CAMK2G: variants seen among roughly 807,000 people sequenced by gnomAD.
The protein encoded by CAMK2G is calcium/calmodulin dependent protein kinase II gamma.
CAMK2G carries 23 observed loss-of-function variants against 88.7 expected under a neutral mutation model. That is an observed-to-expected ratio of 0.26 (90% CI 0.19 to 0.37). CAMK2G has a LOEUF of 0.37. Ranked by LOEUF, CAMK2G falls within the 10% of genes least tolerant of loss-of-function variation. The pLI, the probability that CAMK2G is intolerant of heterozygous loss-of-function variation, is 1.00. For synonymous variants in CAMK2G, 263 were observed against 294.8 expected (o/e 0.89, Z 1.11); for missense variants, 476 against 780.8 (o/e 0.61, Z 4.65).
rs770318588 is a variant in CAMK2G at position 73,839,565 on chromosome 10, G to A, written c.983C>T (p.Ala328Val). ...RQSSAPASPA[A>V]SAAGLAGQAA... ...TTGCCCGGCCAGGCCGGCGGCGCTC[G>A]CGGCAGGCGAGGCGGGGGCGGAGCT... The change falls in exon 13 of 23, where the codon GCG becomes GTG. Residue 328 changes from alanine (A) to valine (V), a missense_variant. Around this residue, in one of 3 missense-constraint regions of CAMK2G, gnomAD observed 278 missense variants for 366.5 expected, o/e 0.76. Transcript: ENST00000423381. The surrounding 1 kb of genome is among the most constrained non-coding windows in gnomAD (Gnocchi z 4.2). 12 of 1,234,806 alleles carry A rather than the reference G, an allele frequency of 9.7e-6. No homozygotes were observed. Among genetic ancestry groups the A allele is most frequent in the East Asian group, 9.5e-5 (3 of 31,720 alleles). 76.5% of individuals were successfully genotyped at this position (1,234,806 alleles called of 1,614,324 possible).
intron 2 of CAMK2G, among the ~76,000 whole-genome samples, chr10:73,869,672 A>T (rs547428302): frequency 6.6e-6 from 1 of 152,288 alleles, no homozygotes; most frequent in Non-Finnish European, 1.5e-5. Context: ...ATAGAAACAC[A>T]TAAGGACCCT....
intron 3 of CAMK2G, among the ~76,000 whole-genome samples, chr10:73,857,828 G>A (rs1413927213): frequency 6.6e-6 from 1 of 152,190 alleles, no homozygotes; most frequent in African/African-American, 2.4e-5. Flanking sequence ...GTTCGGCAGT[G>A]TGCCTTACAC....
intron 2 of CAMK2G, among the ~76,000 whole-genome samples, chr10:73,867,917 G>GA (rs2095653647): frequency 6.6e-6 from 1 of 151,780 alleles, no homozygotes; most frequent in African/African-American, 2.4e-5. Context: ...AACCAAAAAA[G>GA]AAAAAAAAGA....
At chr10:73,860,532 G>A (rs1290474308) in intron 3 of CAMK2G, among the ~76,000 whole-genome samples, 1 of 152,190 alleles carries the variant, frequency 6.6e-6, no homozygotes, top group East Asian at 1.9e-4. Context: ...AACCTCACAC[G>A]CTGAGGACCC....
rs3861039 is a variant in CAMK2G, at chr10:73,845,747, C to T, written c.819+1478G>A. On this transcript the variant is annotated intron_variant, in intron 10 of 22. Transcript: ENST00000423381. ...GAGAGAATTAAATCCTTTAGGTTCT[C>T]TCAAATATCTCTTGAATTTCAACAC... Among the ~76,000 whole-genome samples the T allele has an allele frequency of 4.9e-3, 748 of 152,226 alleles. 8 individuals carry two copies. The highest frequency in any genetic ancestry group is 0.017 in the African/African-American group (724 of 41,522).
intron 14 of CAMK2G, 90 bp from the exon 15 acceptor site, chr10:73,828,211 G>A: frequency 1.9e-6 from 2 of 1,073,630 alleles, no homozygotes; most frequent in Non-Finnish European, 2.9e-6. Flanking sequence ...GCACCAGTGT[G>A]GGCTCTGCAT....
chr10:73,832,222 C>A (rs1327045068), intron 14 of CAMK2G, among the ~76,000 whole-genome samples: 2 of 152,092 alleles, frequency 1.3e-5, no homozygotes, highest in Non-Finnish European at 2.9e-5. Context: ...TTCTTCCAGT[C>A]CCTTTTTTAT....
At chr10:73,824,628 G>A (rs2090300294) in intron 16 of CAMK2G, among the ~76,000 whole-genome samples, 1 of 152,232 alleles carries the variant, frequency 6.6e-6, no homozygotes, top group South Asian at 2.1e-4. Flanking sequence ...CACGTCATGT[G>A]GTATGAGGGT....
chr10:73,831,072 C>T lies in CAMK2G; in HGVS notation c.1054-2951G>A, dbSNP rs568822081. On this transcript the variant is annotated intron_variant, in intron 14 of 22. Coordinates refer to ENST00000423381, the MANE Select transcript of CAMK2G (RefSeq NM_001367534.1). ...CCTGGAAAGGTCGAACTCTGCACATCTTGCTTTGTCCTCTCCTTTTCGTTT... is the reference window on the plus strand; with the variant it reads ...CCTGGAAAGGTCGAACTCTGCACATTTTGCTTTGTCCTCTCCTTTTCGTTT... 4.6e-5 allele frequency among the ~76,000 whole-genome samples: 7 copies of T among 152,332 alleles called. 1 individual carries two copies. The South Asian group carries it at 1.5e-3, about 32-fold the overall frequency.
At chr10:73,820,305 C>A (rs2087481426) in intron 18 of CAMK2G, among the ~76,000 whole-genome samples, 1 of 151,778 alleles carries the variant, frequency 6.6e-6, no homozygotes, top group South Asian at 2.1e-4. Flanking sequence ...TCTAGCCAGG[C>A]CCAAGCTTAG....
rs539582024 is a variant in CAMK2G, at chr10:73,865,246, C to G, written c.161-4357G>C. On this transcript the variant is annotated intron_variant, in intron 2 of 22. Coordinates refer to ENST00000423381, the MANE Select transcript of CAMK2G (RefSeq NM_001367534.1). ...TTGCAGTCCTGGAGGTGGAGTGTCC[C>G]TCCCTGTTTTGGCGGGGCCCACCTG... 2.6e-5 allele frequency among the ~76,000 whole-genome samples: 4 copies of G among 152,300 alleles called. No individual in the cohort carries two copies. In the South Asian group the frequency reaches 8.3e-4, roughly 32 times the overall value.
At chr10:73,853,129 T>C in intron 4 of CAMK2G, 63 bp downstream of exon 4, 1 of 1,497,780 alleles carries the variant, frequency 6.7e-7, no homozygotes, top group Non-Finnish European at 9.3e-7. Flanking sequence ...GGCCTCTTCC[T>C]GAGCCTTCAT....
chr10:73,839,573 C>A lies in CAMK2G; in HGVS notation c.975G>T (p.Ser325=). Residue 325 remains serine, a synonymous_variant, in exon 13 of 23, where the codon TCG becomes TCT. Coordinates refer to ENST00000423381, the MANE Select transcript of CAMK2G (RefSeq NM_001367534.1). The surrounding 1 kb of genome is among the most constrained non-coding windows in gnomAD (Gnocchi z 4.2). ...CCAGGCCGGCGGCGCTCGCGGCAGG[C>A]GAGGCGGGGGCGGAGCTCTGCCTGC... ...SVGRQSSAPA[S]PAASAAGLAG... 4.9e-6 allele frequency: 6 copies of A among 1,234,604 alleles called. No homozygotes were observed. Among genetic ancestry groups the A allele is most frequent in the East Asian group, 3.2e-5 (1 of 31,700 alleles). 76.5% of individuals were successfully genotyped at this position (1,234,604 alleles called of 1,614,324 possible).
intron 3 of CAMK2G, among the ~76,000 whole-genome samples, chr10:73,856,788 G>A (rs2095069131): frequency 6.6e-6 from 1 of 152,234 alleles, no homozygotes. Context: ...AAAAACCGTG[G>A]AAGACAGAAC....
At position 73,818,471 on chromosome 10, in the gene CAMK2G, C is replaced by T. The variant is rs3888128; in HGVS notation, c.1364-917G>A. ...GGTTGAGCTTGGGCTCATCCTAACCCGAGCCCTGGGCGGGGCCAGGCCACA... is the reference window on the plus strand; with the variant it reads ...GGTTGAGCTTGGGCTCATCCTAACCTGAGCCCTGGGCGGGGCCAGGCCACA... On this transcript the variant is annotated intron_variant, in intron 19 of 22. Coordinates refer to ENST00000423381, the MANE Select transcript of CAMK2G (RefSeq NM_001367534.1). 1,332 of 351,208 alleles carry T rather than the reference C, an allele frequency of 3.8e-3. 30 individuals carry two copies. The East Asian group carries it at 0.049, about 13-fold the overall frequency. The allele number at this position is 351,208 out of a possible 1,614,324, so 21.8% of individuals were successfully genotyped here.
chr10:73,861,816 G>A (rs1282734578), intron 2 of CAMK2G, among the ~76,000 whole-genome samples: 1 of 152,192 alleles, frequency 6.6e-6, no homozygotes, highest in African/African-American at 2.4e-5. Flanking sequence ...TGATGATCAA[G>A]ATAATGATGA....
At chr10:73,834,590 G>A (rs79268727) in intron 14 of CAMK2G, among the ~76,000 whole-genome samples, 89 of 152,176 alleles carry the variant, frequency 5.8e-4, no homozygotes, top group African/African-American at 1.8e-3. Context: ...TTCCTTTGCC[G>A]ACTCTTGTTC....
Position 73,837,629 on chromosome 10 carries a change from G to A in CAMK2G, c.1010-118C>T, listed in dbSNP as rs985420096. 3.1e-5 allele frequency: 26 copies of A among 839,716 alleles called. 1 individual carries two copies. Among genetic ancestry groups the A allele is most frequent in the Admixed American group, 1.9e-4 (11 of 58,110 alleles). The allele number at this position is 839,716 out of a possible 1,614,324, so 52.0% of individuals were successfully genotyped here. A position where few individuals can be genotyped will look rare whatever the true frequency, so the allele number is the denominator to read the frequency against. ...CTGACAAGGGGGCCAAGGGTCTCCC[G>A]AAACCCCCAAAAGAGGCACTTCCTA... On this transcript the variant is annotated intron_variant, in intron 13 of 22. Coordinates refer to ENST00000423381, the MANE Select transcript of CAMK2G (RefSeq NM_001367534.1).
At chr10:73,826,820 T>C (rs574998429) in intron 15 of CAMK2G, among the ~76,000 whole-genome samples, 369 of 152,200 alleles carry the variant, frequency 2.4e-3, no homozygotes, top group African/African-American at 8.6e-3. Context: ...CCTGAAGCCG[T>C]CCACCGCCAG....
Sources: gnomAD v4.1 joint callset for allele counts (sites outside exome capture counted in the v4.1 genomes callset) on GRCh38, gnomAD v4.1.1 for gene constraint, gnomAD v4.1.1 regional missense constraint, Gnocchi (gnomAD v3.1) non-coding constraint, MANE v1.5 for transcripts, NCBI Gene and HGNC (gene_info 2026-07-23, HGNC 2026-07-21) for gene names.